PCDH15: variants seen among roughly 807,000 people sequenced by gnomAD.
The protein encoded by PCDH15 is protocadherin-15.
PCDH15 carries 129 observed loss-of-function variants against 178.5 expected under a neutral mutation model. The ratio of observed to expected loss-of-function variants is 0.72; its 90% CI spans 0.63 to 0.84. The LOEUF (loss-of-function observed/expected upper bound fraction) is 0.84. Among genes scored for constraint, PCDH15 ranks in the 40% least tolerant of loss-of-function variants. PCDH15 has a pLI of 0.00. For synonymous variants in PCDH15, 800 were observed against 732.0 expected, an observed-to-expected ratio of 1.09 and a Z score of -1.50; for missense variants, 2,230 against 2,099.9, an observed-to-expected ratio of 1.06 and a Z score of -1.21.
At chr10:55,292,549 T>A (rs1199693711) in intron 1 of PCDH15, among the ~76,000 whole-genome samples, 4 of 151,922 alleles carry the variant, frequency 2.6e-5, no homozygotes, top group African/African-American at 9.7e-5. Flanking sequence ...GACCGGCTAA[T>A]TTTTGTATTT....
chr10:55,146,885 G>T (rs1838528425), intron 2 of PCDH15, among the ~76,000 whole-genome samples: 1 of 151,604 alleles, frequency 6.6e-6, no homozygotes, highest in South Asian at 2.1e-4. Context: ...TATATGAGCT[G>T]AATGTTAAAA....
At chr10:55,328,949 T>TATATAA (rs1381032726) in intron 2 of PCDH15, among the ~76,000 whole-genome samples, 4 of 123,292 alleles carry the variant, frequency 3.2e-5, no homozygotes, top group Admixed American at 8.2e-5. Flanking sequence ...TATATATATA[T>TATATAA]AAAATATATA....
At chr10:54,160,989 A>T (rs2045652331) in intron 13 of PCDH15, among the ~76,000 whole-genome samples, 1 of 152,236 alleles carries the variant, frequency 6.6e-6, no homozygotes, top group African/African-American at 2.4e-5. Flanking sequence ...TATATTTACC[A>T]TGTAATCTAG....
At chr10:55,181,676 T>A (rs1839651742) in intron 1 of PCDH15, among the ~76,000 whole-genome samples, 1 of 152,000 alleles carries the variant, frequency 6.6e-6, no homozygotes, top group Non-Finnish European at 1.5e-5. Context: ...CAATTCAAAA[T>A]CATTTTGTGT....
intron 2 of PCDH15, among the ~76,000 whole-genome samples, chr10:54,644,383 G>A (rs1267149219): frequency 6.6e-6 from 1 of 150,836 alleles, no homozygotes; most frequent in African/African-American, 2.4e-5. Flanking sequence ...ATCTTCTAAG[G>A]CATTAATTTT....
chr10:55,472,860 A>T (rs1318425720), intron 2 of PCDH15, among the ~76,000 whole-genome samples: 1 of 152,114 alleles, frequency 6.6e-6, no homozygotes, highest in Non-Finnish European at 1.5e-5. Flanking sequence ...GAGCCACGAA[A>T]ACCTTCCTTG....
intron 18 of PCDH15, among the ~76,000 whole-genome samples, chr10:54,040,290 C>T (rs561208506): frequency 2.0e-5 from 3 of 151,764 alleles, no homozygotes; most frequent in South Asian, 2.1e-4. Flanking sequence ...ATCATGGGGG[C>T]GGTTTCCTCC....
intron 28 of PCDH15, among the ~76,000 whole-genome samples, chr10:53,855,456 A>T (rs1480358919): frequency 2.6e-5 from 4 of 152,198 alleles, no homozygotes; most frequent in Non-Finnish European, 5.9e-5. Context: ...TTGATATTCC[A>T]TGCATAAATG....
intron 3 of PCDH15, among the ~76,000 whole-genome samples, chr10:54,445,082 A>T (rs150279604): frequency 3.2e-4 from 48 of 151,114 alleles, no homozygotes; most frequent in African/African-American, 1.1e-3. Context: ...CCTGGGTTCC[A>T]TCTTTTCATA....
intron 2 of PCDH15, among the ~76,000 whole-genome samples, chr10:54,575,084 G>T (rs1489941212): frequency 1.5e-5 from 2 of 137,196 alleles, no homozygotes; most frequent in African/African-American, 5.5e-5. Flanking sequence ...CTCACTCATA[G>T]GTGGGAATTG....
rs559053110 is a variant in PCDH15 at position 55,278,189 on chromosome 10, G to T, written c.-156+41410C>A. 1.1e-4 allele frequency among the ~76,000 whole-genome samples: 17 copies of T among 152,032 alleles called. No homozygotes were observed. The South Asian group carries it at 3.5e-3, about 32-fold the overall frequency. ...CATGGATAGCTTTGCTACTTCAAAG[G>T]AATTAAACAGAATAGTCATTTTTTG... On this transcript the variant is annotated intron_variant, in intron 1 of 5. Coordinates refer to the PCDH15 transcript ENST00000458638.
rs1262436114 is a variant in PCDH15, at chr10:55,517,003, C to T, written c.-156+110622G>A. Among the ~76,000 whole-genome samples the T allele has an allele frequency of 2.0e-5, 3 of 151,606 alleles. No individual in the cohort carries two copies. In the East Asian group the frequency reaches 5.8e-4, roughly 29 times the overall value. Reference sequence around the variant, plus strand: ...CCAAAATGAGTACAGAACAGAAAAACAAATCCTGTGAATAGAAATGACACT... The same window carrying T: ...CCAAAATGAGTACAGAACAGAAAAATAAATCCTGTGAATAGAAATGACACT... On this transcript the variant is annotated intron_variant, in intron 2 of 5. Coordinates refer to the PCDH15 transcript ENST00000613346.
chr10:54,266,921 A>G (rs2057730452), intron 8 of PCDH15, among the ~76,000 whole-genome samples: 1 of 151,990 alleles, frequency 6.6e-6, no homozygotes, highest in African/African-American at 2.4e-5. Flanking sequence ...TTCTTCTCTA[A>G]CTTACTGTAC....
At chr10:54,305,906 G>C (rs1184312049) in intron 8 of PCDH15, among the ~76,000 whole-genome samples, 1 of 151,948 alleles carries the variant, frequency 6.6e-6, no homozygotes, top group Non-Finnish European at 1.5e-5. Context: ...AAAAAGACCA[G>C]GAAGCAGGAG....
At chr10:54,612,273 A>C (rs2092987236) in intron 2 of PCDH15, among the ~76,000 whole-genome samples, 1 of 151,864 alleles carries the variant, frequency 6.6e-6, no homozygotes, top group Non-Finnish European at 1.5e-5. Context: ...TAAGGGACAT[A>C]TCTCTAAAGC....
chr10:54,916,523 G>A (rs1837341454), intron 2 of PCDH15, among the ~76,000 whole-genome samples: 1 of 152,136 alleles, frequency 6.6e-6, no homozygotes, highest in Non-Finnish European at 1.5e-5. Context: ...GCTTAATGGG[G>A]TGATTTGTTT....
intron 2 of PCDH15, among the ~76,000 whole-genome samples, chr10:55,546,859 G>A (rs990926868): frequency 1.3e-5 from 2 of 152,082 alleles, no homozygotes; most frequent in African/African-American, 4.8e-5. Flanking sequence ...AAATTTTTGG[G>A]AGAAACAACA....
At chr10:53,858,810 C>T (rs1211794436) in intron 27 of PCDH15, among the ~76,000 whole-genome samples, 1 of 152,158 alleles carries the variant, frequency 6.6e-6, no homozygotes, top group East Asian at 1.9e-4. Context: ...AGCGAACTAG[C>T]GAAAGGGATC....
At chr10:54,356,667 T>C (rs1945029885) in intron 5 of PCDH15, among the ~76,000 whole-genome samples, 2 of 151,654 alleles carry the variant, frequency 1.3e-5, no homozygotes, top group African/African-American at 4.8e-5. Flanking sequence ...TGAGTCTCAA[T>C]ACTGTCAAGG....
Sources: allele counts gnomAD v4.1 joint callset (sites outside exome capture counted in the v4.1 genomes callset), GRCh38; gene constraint gnomAD v4.1.1; transcripts MANE v1.5; gene names NCBI Gene and HGNC (gene_info 2026-07-23, HGNC 2026-07-21).